The following SLC17A1 variants were observed in gnomAD, a reference collection of about 807,000 sequenced individuals.
The protein encoded by SLC17A1 is sodium-dependent phosphate transport protein 1.
SLC17A1 carries 51 observed loss-of-function variants against 53.5 expected under a neutral mutation model. The ratio of observed to expected loss-of-function variants is 0.95; its 90% CI spans 0.76 to 1.20. The LOEUF (loss-of-function observed/expected upper bound fraction) is 1.20. Ranked by LOEUF, SLC17A1 falls within the 50% of genes most tolerant of loss-of-function variation. SLC17A1 has a pLI of 0.00. For missense variants in SLC17A1, 538 were observed against 568.2 expected (o/e 0.95, Z 0.54); for synonymous variants, 179 against 198.8 (o/e 0.90, Z 0.84).
At chr6:25,769,086 G>A in the SLC17A1 span, 1 of 1,614,040 alleles carries the variant, frequency 6.2e-7, no homozygotes, top group South Asian at 1.1e-5. Context: ...CCCAGCTATG[G>A]TGAACAACAC....
chr6:25,770,381 C>A, the SLC17A1 span: 5 of 1,613,918 alleles, frequency 3.1e-6, no homozygotes, highest in African/African-American at 6.7e-5. Context: ...TTTTTCCCCC[C>A]AGGTTATGGT....
rs554536947 is a variant in SLC17A1 at position 25,830,624 on chromosome 6, C to T, written c.-50-17G>A. The T allele has an allele frequency of 1.0e-5, 16 of 1,585,248 alleles. No individual in the cohort carries two copies. Among genetic ancestry groups the T allele is most frequent in the Admixed American group, 1.7e-5 (1 of 59,898 alleles). On this transcript the variant is annotated splice_polypyrimidine_tract_variant and intron_variant, in intron 1 of 12. Coordinates refer to ENST00000244527, the MANE Select transcript of SLC17A1 (RefSeq NM_005074.5). Reference sequence around the variant, plus strand: ...CTCCACCCACTGTGAGTGCAAAACACGTTGATGTCAGCATAATGTAGAGAG... The same window carrying T: ...CTCCACCCACTGTGAGTGCAAAACATGTTGATGTCAGCATAATGTAGAGAG...
chr6:25,759,504 G>C, the SLC17A1 span, among the ~76,000 whole-genome samples: 1 of 152,054 alleles, frequency 6.6e-6, no homozygotes, highest in Admixed American at 6.6e-5. Flanking sequence ...TATATATTTA[G>C]GATTGTGATA....
chr6:25,740,552 C>A, the SLC17A1 span, among the ~76,000 whole-genome samples: 1 of 152,028 alleles, frequency 6.6e-6, no homozygotes, highest in Non-Finnish European at 1.5e-5. Context: ...AAAAATTTAA[C>A]CACCAAAGAA....
the SLC17A1 span, among the ~76,000 whole-genome samples, chr6:25,763,868 T>G: frequency 2.0e-5 from 3 of 152,208 alleles, no homozygotes; most frequent in Admixed American, 2.0e-4. Flanking sequence ...ATGAGCTTCT[T>G]TCTGTATCAG....
chr6:25,805,152 A>T (rs1440191994), intron 10 of SLC17A1, among the ~76,000 whole-genome samples: 1 of 152,088 alleles, frequency 6.6e-6, no homozygotes, highest in East Asian at 1.9e-4. Context: ...GTCTCAACAA[A>T]TTTTTTAAAA....
At chr6:25,766,658 C>T in the SLC17A1 span, among the ~76,000 whole-genome samples, 34 of 152,260 alleles carry the variant, frequency 2.2e-4, 1 homozygote, top group East Asian at 6.2e-3. Context: ...GAGTTTACCT[C>T]CATGGCCTTC....
chr6:25,829,897 T>C (rs1275166395), intron 2 of SLC17A1, among the ~76,000 whole-genome samples: 2 of 152,116 alleles, frequency 1.3e-5, no homozygotes, highest in African/African-American at 4.8e-5. Context: ...AAACTTTGAA[T>C]GCAGATTAAA....
intron 12 of SLC17A1, among the ~76,000 whole-genome samples, chr6:25,790,570 T>C (rs1307255405): frequency 6.6e-6 from 1 of 152,182 alleles, no homozygotes; most frequent in African/African-American, 2.4e-5. Flanking sequence ...CTGATTTTAA[T>C]ATTAAAAGTA....
intron 3 of SLC17A1, among the ~76,000 whole-genome samples, chr6:25,822,912 C>T (rs1422262915): frequency 2.0e-5 from 3 of 151,946 alleles, no homozygotes; most frequent in Non-Finnish European, 2.9e-5. Flanking sequence ...AGACAGTGAA[C>T]ATATTCTTTA....
At chr6:25,756,398 G>C in the SLC17A1 span, among the ~76,000 whole-genome samples, 1 of 152,198 alleles carries the variant, frequency 6.6e-6, no homozygotes, top group African/African-American at 2.4e-5. Context: ...TAAGTGGTTA[G>C]ACTAGGCAGA....
the SLC17A1 span, among the ~76,000 whole-genome samples, chr6:25,723,839 G>T: frequency 6.6e-6 from 1 of 152,074 alleles, no homozygotes; most frequent in Non-Finnish European, 1.5e-5. Flanking sequence ...TTATTATCAC[G>T]TGTAACTATT....
intron 6 of SLC17A1, among the ~76,000 whole-genome samples, chr6:25,816,931 T>C (rs1244442315): frequency 6.6e-6 from 1 of 150,568 alleles, no homozygotes; most frequent in Non-Finnish European, 1.5e-5. Context: ...CACTGCAAAC[T>C]CTGCCTCCCG....
chr6:25,742,673 A>C, the SLC17A1 span, among the ~76,000 whole-genome samples: 1,348 of 152,190 alleles, frequency 8.9e-3, 16 homozygotes, highest in South Asian at 0.032. Context: ...GTGTGGTGGC[A>C]CACACCTGTA....
the SLC17A1 span, chr6:25,770,432 C>T: frequency 8.2e-5 from 133 of 1,613,926 alleles, no homozygotes; most frequent in Non-Finnish European, 1.0e-4. Context: ...ATGGGCTCCC[C>T]CACTGGAAAG....
the SLC17A1 span, chr6:25,773,148 A>G: frequency 1.3e-6 from 1 of 763,410 alleles, no homozygotes; most frequent in Non-Finnish European, 2.3e-6. Flanking sequence ...GGGCCATGCA[A>G]GGGATAGATG....
At chr6:25,759,723 A>C in the SLC17A1 span, among the ~76,000 whole-genome samples, 16 of 152,226 alleles carry the variant, frequency 1.1e-4, no homozygotes, top group Non-Finnish European at 2.2e-4. Context: ...ATTTGCATGG[A>C]ATATCTAGTC....
intron 2 of SLC17A1, 129 bp downstream of exon 2, chr6:25,830,395 T>G: frequency 1.4e-6 from 1 of 699,114 alleles, no homozygotes; most frequent in South Asian, 2.0e-5. Context: ...GACTGGTTTC[T>G]TCTACCTTCT....
At chr6:25,726,845 C>G in the SLC17A1 span, 1 of 1,536,630 alleles carries the variant, frequency 6.5e-7, no homozygotes, top group East Asian at 2.3e-5. Context: ...AGCTGTTGAG[C>G]ACTGGAAAGT....
Sources: gnomAD v4.1 joint callset for allele counts (sites outside exome capture counted in the v4.1 genomes callset) on GRCh38, gnomAD v4.1.1 for gene constraint, MANE v1.5 for transcripts, NCBI Gene and HGNC (gene_info 2026-07-23, HGNC 2026-07-21) for gene names.